Variants in ZMAT4 observed in about 807,000 individuals in gnomAD.
ZMAT4 encodes the protein zinc finger matrin-type protein 4.
ZMAT4 carries 17 observed loss-of-function variants against 28.7 expected under a neutral mutation model. The ratio of observed to expected loss-of-function variants is 0.59; its 90% CI spans 0.41 to 0.89. The LOEUF (loss-of-function observed/expected upper bound fraction) is 0.89, where lower values mean the gene tolerates loss of function less well. ZMAT4 is among the 40% of genes least tolerant of loss of function. The probability of loss-of-function intolerance (pLI) is 0.00; values close to 1 mark genes in which losing one functional copy is unlikely to be tolerated. For synonymous variants in ZMAT4, 117 were observed against 109.2 expected, an observed-to-expected ratio of 1.07 and a Z score of -0.44; for missense variants, 240 against 283.8, an observed-to-expected ratio of 0.85 and a Z score of 1.11.
intron 6 of ZMAT4, among the ~76,000 whole-genome samples, chr8:40,561,118 G>A (rs182175434): frequency 6.6e-6 from 1 of 152,224 alleles, no homozygotes; most frequent in East Asian, 1.9e-4. Context: ...TCTGTGTACT[G>A]TGCAAAGAGA....
chr8:40,881,448 A>AAAGAAAG (rs1386503834), intron 1 of ZMAT4, among the ~76,000 whole-genome samples: 6 of 126,252 alleles, frequency 4.8e-5, no homozygotes, highest in African/African-American at 1.6e-4. Flanking sequence ...AGAAAGAAAG[A>AAAGAAAG]AAGAAAGAAA....
At chr8:40,620,891 T>C (rs1473093923) in intron 5 of ZMAT4, among the ~76,000 whole-genome samples, 1 of 152,212 alleles carries the variant, frequency 6.6e-6, no homozygotes, top group African/African-American at 2.4e-5. Context: ...TTTACATTTA[T>C]TTTTCAGCAG....
At chr8:40,691,014 G>T in intron 4 of ZMAT4, 2 of 735,834 alleles carry the variant, frequency 2.7e-6, no homozygotes, top group Non-Finnish European at 3.3e-6. Flanking sequence ...TCCACTTAGT[G>T]AGAGCCTTGG....
At chr8:40,892,093 C>A (rs377204895) in intron 1 of ZMAT4, among the ~76,000 whole-genome samples, 2 of 152,190 alleles carry the variant, frequency 1.3e-5, no homozygotes, top group East Asian at 3.9e-4. Flanking sequence ...CACCACTCCA[C>A]CCTCCCTGAA....
At chr8:40,680,155 T>C (rs567104198) in intron 4 of ZMAT4, among the ~76,000 whole-genome samples, 18 of 152,352 alleles carry the variant, frequency 1.2e-4, no homozygotes, top group Admixed American at 8.5e-4. Context: ...TTATATTTTC[T>C]GGGGTGGCCT....
intron 6 of ZMAT4, among the ~76,000 whole-genome samples, chr8:40,553,653 T>A (rs1803435671): frequency 6.6e-6 from 1 of 152,086 alleles, no homozygotes; most frequent in Non-Finnish European, 1.5e-5. Context: ...GTAGGAAAAA[T>A]TACTATTCTC....
rs118095003 is a variant in ZMAT4 at position 40,623,319 on chromosome 8, C to T, written c.578-42058G>A. ...TGGCACAGAATGCAGATTCTGGAGC[C>T]TACTCTAGGCAAACACTGTAAGCAT... On this transcript the variant is annotated intron_variant, in intron 5 of 6. Transcript: ENST00000297737. 7.9e-5 allele frequency among the ~76,000 whole-genome samples: 12 copies of T among 152,282 alleles called. No individual in the cohort carries two copies. The East Asian group carries it at 1.9e-3, about 25-fold the overall frequency.
intron 5 of ZMAT4, among the ~76,000 whole-genome samples, chr8:40,653,300 T>G (rs1240702647): frequency 6.6e-6 from 1 of 151,814 alleles, no homozygotes; most frequent in African/African-American, 2.4e-5. Context: ...TTTAAAAACA[T>G]AAGAAAGATC....
intron 1 of ZMAT4, among the ~76,000 whole-genome samples, chr8:40,851,376 T>C (rs1817101697): frequency 6.6e-6 from 1 of 152,096 alleles, no homozygotes; most frequent in Non-Finnish European, 1.5e-5. Context: ...ATATTTTAAA[T>C]GCAATGTAGT....
chr8:40,820,901 G>C (rs1200812755), intron 2 of ZMAT4, among the ~76,000 whole-genome samples: 1 of 86,164 alleles, frequency 1.2e-5, no homozygotes, highest in Non-Finnish European at 2.4e-5. Context: ...TTATGTGTGT[G>C]TTTGTGTGTA....
chr8:40,784,447 G>A (rs4737176), intron 2 of ZMAT4, among the ~76,000 whole-genome samples: 1 of 152,016 alleles, frequency 6.6e-6, no homozygotes, highest in Admixed American at 6.5e-5. Context: ...ATGAAAAATC[G>A]ATAACAACCA....
At chr8:40,729,950 A>G (rs2150525204) in intron 3 of ZMAT4, among the ~76,000 whole-genome samples, 1 of 152,338 alleles carries the variant, frequency 6.6e-6, no homozygotes, top group Non-Finnish European at 1.5e-5. Context: ...TGATTAAAAC[A>G]TGGTTGATCA....
At chr8:40,856,859 G>T (rs182136191) in intron 1 of ZMAT4, among the ~76,000 whole-genome samples, 213 of 152,268 alleles carry the variant, frequency 1.4e-3, no homozygotes, top group African/African-American at 4.8e-3. Context: ...GAGCACAGGA[G>T]CCCCGTGGAT....
intron 2 of ZMAT4, among the ~76,000 whole-genome samples, chr8:40,812,644 A>G (rs1371320841): frequency 2.0e-5 from 3 of 152,158 alleles, no homozygotes; most frequent in Non-Finnish European, 4.4e-5. Flanking sequence ...AAAATATAGG[A>G]TATAGGTCAG....
At chr8:40,804,956 A>G (rs953716345) in intron 2 of ZMAT4, among the ~76,000 whole-genome samples, 1 of 152,086 alleles carries the variant, frequency 6.6e-6, no homozygotes, top group African/African-American at 2.4e-5. Flanking sequence ...AAGCAAAAAA[A>G]AAAAATTCTA....
rs1349561643 is a variant in ZMAT4 at position 40,674,942 on chromosome 8, A to C, written c.350-11T>G. 1.2e-6 allele frequency: 2 copies of C among 1,607,834 alleles called. No homozygotes were observed. Among genetic ancestry groups the C allele is most frequent in the East Asian group, 2.2e-5 (1 of 44,794 alleles). ...GGCTCAGGGGTGTTGCTGTGAAAGG[A>C]AACAACCAGAGAACCACAGCCACGT... is the stretch of plus-strand genomic sequence containing the variant. On this transcript the variant is annotated splice_polypyrimidine_tract_variant and intron_variant, in intron 4 of 6. Coordinates refer to ENST00000297737, the MANE Select transcript of ZMAT4 (RefSeq NM_024645.3).
rs563692297 is a variant in ZMAT4, at chr8:40,609,456, T to C, written c.578-28195A>G. On this transcript the variant is annotated intron_variant, in intron 5 of 6. Coordinates refer to ENST00000297737, the MANE Select transcript of ZMAT4 (RefSeq NM_024645.3). ...CCCTGGTGCACTCCACCACTTCACCTTGAGCATCCTGAGGGCTGGCAGTAT... is the reference window on the plus strand; with the variant it reads ...CCCTGGTGCACTCCACCACTTCACCCTGAGCATCCTGAGGGCTGGCAGTAT... 2.6e-5 allele frequency among the ~76,000 whole-genome samples: 4 copies of C among 152,236 alleles called. 1 individual carries two copies. The East Asian group carries it at 7.8e-4, about 30-fold the overall frequency.
intron 2 of ZMAT4, among the ~76,000 whole-genome samples, chr8:40,799,184 G>C (rs1814726136): frequency 6.8e-6 from 1 of 147,400 alleles, no homozygotes; most frequent in East Asian, 2.0e-4. Context: ...GAGAGAGAGA[G>C]AGACAGAGAG....
At chr8:40,632,234 C>G (rs1806616069) in intron 5 of ZMAT4, among the ~76,000 whole-genome samples, 1 of 152,064 alleles carries the variant, frequency 6.6e-6, no homozygotes, top group Non-Finnish European at 1.5e-5. Flanking sequence ...AAAAACAAGG[C>G]CAGGCACATA....
Sources: allele counts gnomAD v4.1 joint callset (sites outside exome capture counted in the v4.1 genomes callset), GRCh38; gene constraint gnomAD v4.1.1; transcripts MANE v1.5; gene names NCBI Gene and HGNC (gene_info 2026-07-23, HGNC 2026-07-21).